Variants in GALNTL6 observed in about 807,000 individuals in gnomAD.
GALNTL6 encodes the protein polypeptide N-acetylgalactosaminyltransferase-like 6.
GALNTL6 carries 46 observed loss-of-function variants against 73.7 expected under a neutral mutation model. That is an observed-to-expected ratio of 0.62 (90% CI 0.49 to 0.80). The LOEUF (loss-of-function observed/expected upper bound fraction) is 0.80. GALNTL6 is among the 30% of genes least tolerant of loss of function. The probability of loss-of-function intolerance (pLI) is 0.00; values close to 1 mark genes in which losing one functional copy is unlikely to be tolerated. For synonymous variants in GALNTL6, 259 were observed against 263.7 expected (o/e 0.98, Z 0.17); for missense variants, 604 against 755.0 (o/e 0.80, Z 2.34).
chr4:172,305,636 A>C (rs1740104733), intron 3 of GALNTL6, among the ~76,000 whole-genome samples: 1 of 152,150 alleles, frequency 6.6e-6, no homozygotes, highest in Non-Finnish European at 1.5e-5. Context: ...TGTTGTTTGC[A>C]AAAGCAATGT....
chr4:172,074,154 C>T (rs1230048275), intron 2 of GALNTL6, among the ~76,000 whole-genome samples: 2 of 152,168 alleles, frequency 1.3e-5, no homozygotes, highest in Non-Finnish European at 2.9e-5. Context: ...TTATATTCCT[C>T]CTTCAGATAA....
In GALNTL6 at chr4:171,992,697, T is replaced by C. The variant is rs1482614298; in HGVS notation, c.138+177979T>C. Among the ~76,000 whole-genome samples the C allele has an allele frequency of 2.0e-5, 3 of 152,142 alleles. No individual in the cohort carries two copies. In the East Asian group the frequency reaches 5.8e-4, roughly 29 times the overall value. On this transcript the variant is annotated intron_variant, in intron 2 of 12. Transcript: ENST00000506823. Reference sequence around the variant, plus strand: ...GCAGTAAACAAGTTTCCTAAGAGAGTATATCTCTTATTCTAGAGAAAATAA... The same window carrying C: ...GCAGTAAACAAGTTTCCTAAGAGAGCATATCTCTTATTCTAGAGAAAATAA...
intron 2 of GALNTL6, chr4:172,052,316 C>T (rs1185120518): frequency 1.8e-5 from 11 of 614,734 alleles, no homozygotes; most frequent in Middle Eastern, 2.6e-4. Context: ...GGGAAGAGCT[C>T]GGGTATATTG....
At chr4:172,033,285 T>A (rs1741824957) in intron 2 of GALNTL6, among the ~76,000 whole-genome samples, 1 of 152,186 alleles carries the variant, frequency 6.6e-6, no homozygotes, top group Non-Finnish European at 1.5e-5. Context: ...TGTCAAATGC[T>A]TGTGTTCCAT....
intron 2 of GALNTL6, among the ~76,000 whole-genome samples, chr4:172,215,478 T>C (rs1736467689): frequency 6.6e-6 from 1 of 152,148 alleles, no homozygotes; most frequent in Non-Finnish European, 1.5e-5. Flanking sequence ...AGTTTATCAT[T>C]TTAATCTTCC....
At chr4:172,950,590 G>T (rs1235382656) in intron 9 of GALNTL6, among the ~76,000 whole-genome samples, 2 of 152,188 alleles carry the variant, frequency 1.3e-5, no homozygotes, top group East Asian at 3.9e-4. Flanking sequence ...AGTGGATGGA[G>T]CGGAGTAAGA....
intron 2 of GALNTL6, among the ~76,000 whole-genome samples, chr4:172,055,248 T>A: frequency 6.6e-6 from 1 of 152,114 alleles, no homozygotes; most frequent in Admixed American, 6.6e-5. Context: ...CTTTCAGATG[T>A]AGGCAGAAAG....
chr4:172,918,045 T>A (rs969309094), intron 8 of GALNTL6, among the ~76,000 whole-genome samples: 1 of 152,180 alleles, frequency 6.6e-6, no homozygotes, highest in African/African-American at 2.4e-5. Context: ...GTGGCACATA[T>A]ACACCATGGA....
chr4:171,949,913 G>A (rs1738820392), intron 2 of GALNTL6, among the ~76,000 whole-genome samples: 1 of 152,078 alleles, frequency 6.6e-6, no homozygotes, highest in South Asian at 2.1e-4. Context: ...GGTTTGGGCG[G>A]GGACAATATT....
intron 2 of GALNTL6, among the ~76,000 whole-genome samples, chr4:172,144,943 T>C (rs894770746): frequency 1.3e-5 from 2 of 152,074 alleles, no homozygotes; most frequent in Non-Finnish European, 2.9e-5. Flanking sequence ...CTTTAGTGGA[T>C]TTAAGTCTTA....
intron 9 of GALNTL6, among the ~76,000 whole-genome samples, 156 bp downstream of exon 9, chr4:172,931,424 T>A (rs1280042871): frequency 6.6e-6 from 1 of 152,248 alleles, no homozygotes; most frequent in Non-Finnish European, 1.5e-5. Flanking sequence ...AAAGAAGTAT[T>A]AACTATAATG....
intron 2 of GALNTL6, among the ~76,000 whole-genome samples, chr4:172,075,683 T>C (rs1195064661): frequency 6.6e-6 from 1 of 152,086 alleles, no homozygotes; most frequent in African/African-American, 2.4e-5. Flanking sequence ...AGTTTGCCGA[T>C]AGTTTCTAAA....
chr4:172,306,710 G>A (rs1310055033), intron 3 of GALNTL6, among the ~76,000 whole-genome samples: 3 of 152,086 alleles, frequency 2.0e-5, no homozygotes, highest in African/African-American at 7.2e-5. Flanking sequence ...GAGAACATAC[G>A]ATGTTTGATT....
At chr4:172,393,716 A>C (rs1249298689) in intron 5 of GALNTL6, among the ~76,000 whole-genome samples, 1 of 152,204 alleles carries the variant, frequency 6.6e-6, no homozygotes, top group Non-Finnish European at 1.5e-5. Context: ...TAAATGTGGT[A>C]ATGAGTATCT....
At chr4:172,129,585 C>T (rs978915672) in intron 2 of GALNTL6, among the ~76,000 whole-genome samples, 3 of 152,058 alleles carry the variant, frequency 2.0e-5, no homozygotes, top group Admixed American at 6.6e-5. Context: ...TACAGATGCA[C>T]GCATCCAAAC....
intron 3 of GALNTL6, among the ~76,000 whole-genome samples, chr4:172,253,789 A>G (rs1021737847): frequency 6.6e-6 from 1 of 151,980 alleles, no homozygotes; most frequent in African/African-American, 2.4e-5. Context: ...TATCAATGAA[A>G]TACATGTCAC....
chr4:172,024,037 A>G (rs868186941), intron 2 of GALNTL6, among the ~76,000 whole-genome samples: 1 of 151,844 alleles, frequency 6.6e-6, no homozygotes, highest in Non-Finnish European at 1.5e-5. Flanking sequence ...GGCCCTGAAA[A>G]TGCCTATCAT....
rs558372139 is a variant in GALNTL6, at chr4:171,851,655, T to C, written c.138+36937T>C. Among the ~76,000 whole-genome samples the C allele has an allele frequency of 3.1e-4, 47 of 152,260 alleles. No homozygotes were observed. The South Asian group carries it at 9.7e-3, about 32-fold the overall frequency. On this transcript the variant is annotated intron_variant, in intron 2 of 12. Coordinates refer to ENST00000506823, the MANE Select transcript of GALNTL6 (RefSeq NM_001034845.3). ...TCTTTAGAATTAACACAGAAAAAAA[T>C]GTTATCTTTTTTGGGTCTATTGATG...
At chr4:171,986,352 G>A (rs187864478) in intron 2 of GALNTL6, among the ~76,000 whole-genome samples, 11 of 152,238 alleles carry the variant, frequency 7.2e-5, no homozygotes, top group Admixed American at 3.3e-4. Context: ...GATGACCCAG[G>A]AGAAGGAATC....
Sources: gnomAD v4.1 joint callset for allele counts (sites outside exome capture counted in the v4.1 genomes callset) on GRCh38, gnomAD v4.1.1 for gene constraint, MANE v1.5 for transcripts, NCBI Gene and HGNC (gene_info 2026-07-23, HGNC 2026-07-21) for gene names.